MGA: variants seen among roughly 807,000 people sequenced by gnomAD.
MGA encodes the protein MAX dimerization protein MGA, also known as MAX gene-associated protein.
MGA carries 40 observed loss-of-function variants against 261.1 expected under a neutral mutation model. The observed-to-expected ratio is 0.15, with a 90% CI of 0.12 to 0.20. The LOEUF (loss-of-function observed/expected upper bound fraction) is 0.20, where lower values mean the gene tolerates loss of function less well. Ranked by LOEUF, MGA falls within the 10% of genes least tolerant of loss-of-function variation. MGA has a pLI of 1.00. For synonymous variants in MGA, 1,302 were observed against 1,290.6 expected (o/e 1.01, Z -0.19); for missense variants, 3,397 against 3,630.5 (o/e 0.94, Z 1.65).
At chr15:41,634,588 C>G (rs549673553) in intron 1 of MGA, among the ~76,000 whole-genome samples, 1 of 152,282 alleles carries the variant, frequency 6.6e-6, no homozygotes, top group Non-Finnish European at 1.5e-5. Context: ...CAGGAGACAT[C>G]CTTCCCCTTT....
chr15:41,623,494 C>G (rs1451002681), intron 1 of MGA, among the ~76,000 whole-genome samples: 1 of 151,918 alleles, frequency 6.6e-6, no homozygotes, highest in African/African-American at 2.4e-5. Flanking sequence ...CCTGTAATCC[C>G]AGCACTTTGG....
In MGA at chr15:41,707,639, C is replaced by T. The variant is rs1342998179; in HGVS notation, c.2189-89C>T. Reference sequence around the variant, plus strand: ...TTCTCTCTCGACCTTACCCCCCCGCCATCTCCCAGGCACAAGTTAAAAACA... The same window carrying T: ...TTCTCTCTCGACCTTACCCCCCCGCTATCTCCCAGGCACAAGTTAAAAACA... On this transcript the variant is annotated intron_variant, in intron 5 of 23. Coordinates refer to ENST00000219905, the MANE Select transcript of MGA (RefSeq NM_001164273.2). 12 of 1,258,878 alleles carry T rather than the reference C, an allele frequency of 9.5e-6. 1 individual carries two copies. In the South Asian group the frequency reaches 1.6e-4, roughly 17 times the overall value. 78.0% of individuals were successfully genotyped at this position (1,258,878 alleles called of 1,614,324 possible).
At chr15:41,754,802 GTAT>G (rs953916757) in intron 18 of MGA, among the ~76,000 whole-genome samples, 11 of 152,082 alleles carry the variant, frequency 7.2e-5, no homozygotes, top group African/African-American at 2.4e-4. Flanking sequence ...CGATAGACTG[GTAT>G]TATAAAATAT....
At chr15:41,691,337 T>G (rs994004037) in intron 2 of MGA, among the ~76,000 whole-genome samples, 11 of 152,346 alleles carry the variant, frequency 7.2e-5, no homozygotes, top group South Asian at 2.1e-4. Flanking sequence ...ACTTTTGACA[T>G]TCATTGCTAG....
intron 20 of MGA, among the ~76,000 whole-genome samples, chr15:41,761,388 G>A (rs185625112): frequency 4.4e-4 from 67 of 152,310 alleles, no homozygotes; most frequent in Non-Finnish European, 8.4e-4. Flanking sequence ...CTCTAGAGCA[G>A]TTATTTCAAC....
rs61754768 is a variant in MGA, at chr15:41,749,584, G to C, written c.5977G>C (p.Val1993Leu). ...AAAAAGAGAGCAAGAAACGAAGAAG[G>C]TTCTACAGTCAGAAGGAGAGGCTGT... The change falls in exon 17 of 24, where the codon GTT (valine) becomes CTT (leucine). Residue 1993 changes from valine to leucine, a missense_variant. Physicochemically the swap from Val to Leu is conservative, Grantham distance 32. Around this residue, in one of 9 missense-constraint regions of MGA, gnomAD observed 1,410 missense variants for 1,386.4 expected, o/e 1.02. Coordinates refer to ENST00000219905, the MANE Select transcript of MGA (RefSeq NM_001164273.2). 1.9e-5 allele frequency: 30 copies of C among 1,613,794 alleles called. No homozygotes were observed. Among genetic ancestry groups the C allele is most frequent in the Non-Finnish European group, 2.1e-5 (25 of 1,179,894 alleles).
In MGA at chr15:41,750,627, A is replaced by C; in HGVS notation, c.7008+12A>C. The C allele has an allele frequency of 1.3e-6, 2 of 1,587,108 alleles. No homozygotes were observed. The highest frequency in any genetic ancestry group is 1.7e-6 in the Non-Finnish European group (2 of 1,168,744). On this transcript the variant is annotated intron_variant, in intron 17 of 23. Coordinates refer to ENST00000219905, the MANE Select transcript of MGA (RefSeq NM_001164273.2). Reference sequence around the variant, plus strand: ...ATGATGTAGAAAAGGTGGTGAGCCCATTTTTGTTGTGACTGAAACCTAAAG... The same window carrying C: ...ATGATGTAGAAAAGGTGGTGAGCCCCTTTTTGTTGTGACTGAAACCTAAAG...
chr15:41,637,134 A>C (rs1321278500), intron 1 of MGA, among the ~76,000 whole-genome samples: 1 of 152,190 alleles, frequency 6.6e-6, no homozygotes, highest in Non-Finnish European at 1.5e-5. Context: ...TGGAAGGACC[A>C]TTGTTCAGAA....
At chr15:41,725,957 AT>A (rs2061227173) in intron 9 of MGA, among the ~76,000 whole-genome samples, 1 of 151,930 alleles carries the variant, frequency 6.6e-6, no homozygotes, top group African/African-American at 2.4e-5. Context: ...CTTTGTGCAC[AT>A]TTTTTGGGGG....
intron 9 of MGA, among the ~76,000 whole-genome samples, chr15:41,718,904 C>T (rs57825585): frequency 0.028 from 4,227 of 151,966 alleles, 207 homozygotes; most frequent in African/African-American, 0.098. Flanking sequence ...TACAGGAGGT[C>T]CTAGCCAGTG....
At chr15:41,747,635 G>A (rs2062583188) in intron 15 of MGA, among the ~76,000 whole-genome samples, 1 of 151,922 alleles carries the variant, frequency 6.6e-6, no homozygotes, top group Non-Finnish European at 1.5e-5. Context: ...GTTCGAGGTG[G>A]CAGTGAGCTG....
chr15:41,698,742 A>G (rs2059677129), intron 3 of MGA, 121 bp from the exon 4 acceptor site: 2 of 678,226 alleles, frequency 2.9e-6, no homozygotes, highest in Non-Finnish European at 4.9e-6. Context: ...TGCCAATGTT[A>G]GCGTAACTGT....
chr15:41,761,102 CT>C (rs1305176823), intron 20 of MGA, among the ~76,000 whole-genome samples: 3 of 152,172 alleles, frequency 2.0e-5, no homozygotes, highest in Non-Finnish European at 4.4e-5. Flanking sequence ...CACAGCTATC[CT>C]TTCTTCAGAT....
intron 17 of MGA, among the ~76,000 whole-genome samples, chr15:41,753,515 A>G (rs558532403): frequency 2.0e-5 from 3 of 152,298 alleles, no homozygotes; most frequent in South Asian, 4.1e-4. Context: ...TTTCTGTGAC[A>G]GGTGCTCAGT....
intron 21 of MGA, 27 bp downstream of exon 21, chr15:41,761,877 A>G: frequency 6.9e-7 from 1 of 1,439,818 alleles, no homozygotes; most frequent in Non-Finnish European, 9.5e-7. Context: ...ATCTCTGGTA[A>G]AGAGCATAAT....
chr15:41,754,888 A>G (rs1463582240), intron 18 of MGA, among the ~76,000 whole-genome samples: 1 of 152,212 alleles, frequency 6.6e-6, no homozygotes, highest in South Asian at 2.1e-4. Flanking sequence ...TTCTTTACCT[A>G]TGAAATGAGG....
intron 2 of MGA, among the ~76,000 whole-genome samples, chr15:41,673,540 CTTTTTT>C (rs777334913): frequency 3.4e-5 from 4 of 118,940 alleles, no homozygotes; most frequent in Non-Finnish European, 5.1e-5. Flanking sequence ...TTCTTTCTTT[CTTTTTT>C]TTTTTTTTTT....
In MGA at chr15:41,761,830, G is replaced by A. The variant is rs1244571597; in HGVS notation, c.7490G>A (p.Arg2497Gln). 1.6e-5 allele frequency: 25 copies of A among 1,579,656 alleles called. No individual in the cohort carries two copies. The highest frequency in any genetic ancestry group is 2.3e-5 in the East Asian group (1 of 44,000). The change falls in exon 21 of 24, where the codon CGG (arginine) becomes CAG (glutamine). Residue 2497 changes from arginine (R) to glutamine (Q), a missense_variant. Arg to Gln is a conservative substitution (Grantham distance 43). Transcript: ENST00000219905. Reference sequence around the variant, plus strand: ...ACTCGAAAACGGAATATTCTGATACGGAAAGTATCGTCTCTTTCAGGTGAG... The same window carrying A: ...ACTCGAAAACGGAATATTCTGATACAGAAAGTATCGTCTCTTTCAGGTGAG...
At chr15:41,760,176 C>A in intron 19 of MGA, 147 bp from the exon 20 acceptor site, 1 of 677,546 alleles carries the variant, frequency 1.5e-6, no homozygotes, top group South Asian at 1.8e-5. Flanking sequence ...GAAGGATAGA[C>A]TGGTAGTAAG....
Sources: allele counts gnomAD v4.1 joint callset (sites outside exome capture counted in the v4.1 genomes callset), GRCh38; gene constraint gnomAD v4.1.1; regional missense constraint gnomAD v4.1.1; transcripts MANE v1.5; gene names NCBI Gene and HGNC (gene_info 2026-07-23, HGNC 2026-07-21).